The following CNTNAP2 variants were observed in gnomAD, a reference collection of about 807,000 sequenced individuals.
The protein encoded by CNTNAP2 is contactin-associated protein-like 2.
In CNTNAP2, 98 loss-of-function variants were observed where a neutral mutation model predicts 155.2. The ratio of observed to expected loss-of-function variants is 0.63; its 90% confidence interval spans 0.54 to 0.75. The LOEUF is 0.75. CNTNAP2 is among the 30% of genes least tolerant of loss of function. CNTNAP2 has a pLI of 0.00. For missense variants in CNTNAP2, 1,727 were observed against 1,688.1 expected (o/e 1.02, Z -0.40); for synonymous variants, 651 against 631.2 (o/e 1.03, Z -0.47).
intron 11 of CNTNAP2, among the ~76,000 whole-genome samples, chr7:147,489,496 A>T (rs1798568552): frequency 6.6e-6 from 1 of 152,216 alleles, no homozygotes; most frequent in South Asian, 2.1e-4. Context: ...ATCCTTTAAG[A>T]TCTGAATAGT....
At chr7:148,172,106 G>A in intron 17 of CNTNAP2, 136 bp from the exon 18 acceptor site, 1 of 885,282 alleles carries the variant, frequency 1.1e-6, no homozygotes, top group Non-Finnish European at 1.9e-6. Context: ...TCTCTATTTA[G>A]ATAGGACCAA....
chr7:147,298,892 G>A (rs1260805065), intron 8 of CNTNAP2, among the ~76,000 whole-genome samples: 1 of 152,186 alleles, frequency 6.6e-6, no homozygotes, highest in African/African-American at 2.4e-5. Context: ...TTATAGAAAA[G>A]CAGGTGGCAG....
At chr7:146,982,089 C>A (rs1021158861) in intron 3 of CNTNAP2, among the ~76,000 whole-genome samples, 1 of 151,986 alleles carries the variant, frequency 6.6e-6, no homozygotes, top group African/African-American at 2.4e-5. Context: ...TTTGATTTTC[C>A]CTCACCATTT....
At position 146,976,380 on chromosome 7, in the gene CNTNAP2, C is replaced by T. The variant is rs372116176; in HGVS notation, c.403-67527C>T. On this transcript the variant is annotated intron_variant, in intron 3 of 23. Coordinates refer to ENST00000361727, the MANE Select transcript of CNTNAP2 (RefSeq NM_014141.6). ...GAGGGCTCCATCCCACAGGCCTGCCCTCCACTTCCCATGCCAGTTGCAAGC... is the reference window on the plus strand; with the variant it reads ...GAGGGCTCCATCCCACAGGCCTGCCTTCCACTTCCCATGCCAGTTGCAAGC... Among the ~76,000 whole-genome samples the T allele has an allele frequency of 3.0e-4, 45 of 152,242 alleles. No individual in the cohort carries two copies. The East Asian group carries it at 5.6e-3, about 19-fold the overall frequency.
chr7:147,243,841 T>C (rs1197538869), intron 8 of CNTNAP2, among the ~76,000 whole-genome samples: 6 of 152,180 alleles, frequency 3.9e-5, no homozygotes, highest in Admixed American at 3.9e-4. Context: ...TCTTCTTTTT[T>C]TAAATAAACT....
chr7:147,002,001 T>C (rs1798433607), intron 3 of CNTNAP2, among the ~76,000 whole-genome samples: 1 of 151,914 alleles, frequency 6.6e-6, no homozygotes, highest in South Asian at 2.1e-4. Flanking sequence ...AGTCAATATG[T>C]TTAGAGAAAT....
At chr7:146,362,765 AC>A (rs1333541387) in intron 1 of CNTNAP2, among the ~76,000 whole-genome samples, 3 of 121,794 alleles carry the variant, frequency 2.5e-5, no homozygotes, top group African/African-American at 9.5e-5. Context: ...TTCACACAGC[AC>A]TTTTTTTTTT....
intron 21 of CNTNAP2, among the ~76,000 whole-genome samples, chr7:148,334,016 C>T (rs999956110): frequency 2.0e-5 from 3 of 152,166 alleles, no homozygotes; most frequent in African/African-American, 4.8e-5. Flanking sequence ...TTATTCTTAG[C>T]GTGACAAGTG....
intron 1 of CNTNAP2, among the ~76,000 whole-genome samples, chr7:146,289,077 G>A (rs1306297774): frequency 6.6e-6 from 1 of 151,958 alleles, no homozygotes; most frequent in African/African-American, 2.4e-5. Context: ...GTGCTGGGAT[G>A]ACAGGCATGA....
intron 3 of CNTNAP2, among the ~76,000 whole-genome samples, chr7:146,965,214 C>A (rs1477770758): frequency 6.6e-6 from 1 of 151,948 alleles, no homozygotes; most frequent in Non-Finnish European, 1.5e-5. Flanking sequence ...CAAGCAGTAC[C>A]CTGATGGATG....
chr7:147,646,051 G>A (rs142147049), intron 13 of CNTNAP2, among the ~76,000 whole-genome samples: 16 of 152,340 alleles, frequency 1.1e-4, no homozygotes, highest in African/African-American at 3.8e-4. Flanking sequence ...AGCAGAGGTG[G>A]TGGGAAGAGT....
chr7:146,829,334 A>T (rs1803466095), intron 2 of CNTNAP2, among the ~76,000 whole-genome samples: 2 of 147,078 alleles, frequency 1.4e-5, no homozygotes, highest in African/African-American at 5.0e-5. Context: ...TCAGCACTGT[A>T]AAAAAAAAAG....
At chr7:146,269,297 G>A (rs1169908526) in intron 1 of CNTNAP2, among the ~76,000 whole-genome samples, 2 of 152,174 alleles carry the variant, frequency 1.3e-5, no homozygotes, top group Non-Finnish European at 2.9e-5. Flanking sequence ...CTGAGATGGC[G>A]CCACTGCATT....
chr7:147,051,082 C>A (rs552858788), intron 4 of CNTNAP2, among the ~76,000 whole-genome samples: 1 of 151,552 alleles, frequency 6.6e-6, no homozygotes, highest in African/African-American at 2.4e-5. Context: ...CAAGCTATAT[C>A]CACAAAGACC....
intron 8 of CNTNAP2, among the ~76,000 whole-genome samples, chr7:147,133,567 A>G (rs1213068243): frequency 6.6e-6 from 1 of 151,976 alleles, no homozygotes; most frequent in Non-Finnish European, 1.5e-5. Flanking sequence ...AGCAGGGACC[A>G]TGCTCCTTTT....
intron 3 of CNTNAP2, among the ~76,000 whole-genome samples, chr7:146,896,519 T>C (rs1168395048): frequency 6.6e-6 from 1 of 152,146 alleles, no homozygotes; most frequent in Admixed American, 6.6e-5. Flanking sequence ...TACTCTGAAC[T>C]GTTGAGAGCT....
chr7:148,317,215 C>T lies in CNTNAP2; in HGVS notation c.3475+50089C>T, dbSNP rs1281745668. ...TACAAAAAATACAGAATTAGCCAGGCGTGGTGGCACATGCCAGTAATCCCA... is the reference window on the plus strand; with the variant it reads ...TACAAAAAATACAGAATTAGCCAGGTGTGGTGGCACATGCCAGTAATCCCA... On this transcript the variant is annotated intron_variant, in intron 21 of 23. Coordinates refer to ENST00000361727, the MANE Select transcript of CNTNAP2 (RefSeq NM_014141.6). Among the ~76,000 whole-genome samples, 6 of 152,272 alleles carry T rather than the reference C, an allele frequency of 3.9e-5. No homozygotes were observed. In the South Asian group the frequency reaches 6.2e-4, roughly 16 times the overall value.
intron 8 of CNTNAP2, among the ~76,000 whole-genome samples, chr7:147,147,601 G>C (rs565902460): frequency 6.6e-6 from 1 of 152,208 alleles, no homozygotes; most frequent in South Asian, 2.1e-4. Flanking sequence ...TGCGTGGACT[G>C]TGGTCAGGAT....
intron 1 of CNTNAP2, among the ~76,000 whole-genome samples, chr7:146,689,580 G>A (rs2172721): frequency 0.049 from 7,414 of 152,006 alleles, 630 homozygotes; most frequent in African/African-American, 0.17. Context: ...TGTCACTCTC[G>A]TTTTATTATC....
Sources: gnomAD v4.1 joint callset for allele counts (sites outside exome capture counted in the v4.1 genomes callset) on GRCh38, gnomAD v4.1.1 for gene constraint, MANE v1.5 for transcripts, NCBI Gene and HGNC (gene_info 2026-07-23, HGNC 2026-07-21) for gene names.